Variants in ITGB7 observed in about 807,000 individuals in gnomAD.
ITGB7 encodes the protein integrin subunit beta 7.
In ITGB7, 55 loss-of-function variants were observed where a neutral mutation model predicts 83.4. The observed-to-expected ratio is 0.66, with a 90% CI of 0.53 to 0.83. The LOEUF (loss-of-function observed/expected upper bound fraction) is 0.83, where lower values mean the gene tolerates loss of function less well. Ranked by LOEUF, ITGB7 falls within the 40% of genes least tolerant of loss-of-function variation. The pLI is 0.00. For synonymous variants in ITGB7, 454 were observed against 423.6 expected (o/e 1.07, Z -0.88); for missense variants, 921 against 1,046.7 (o/e 0.88, Z 1.66).
In ITGB7 at chr12:53,197,970, C is replaced by T. The variant is rs748478326; in HGVS notation, c.202-19G>A. 4.3e-5 allele frequency: 66 copies of T among 1,526,124 alleles called. No homozygotes were observed. The highest frequency in any genetic ancestry group is 3.4e-4 in the South Asian group (28 of 83,566). 94.5% of individuals were successfully genotyped at this position (1,526,124 alleles called of 1,614,324 possible). A position where few individuals can be genotyped will look rare whatever the true frequency, so the allele number is the denominator to read the frequency against. On this transcript the variant is annotated intron_variant, in intron 3 of 15. Transcript: ENST00000267082. Reference sequence around the variant, plus strand: ...TGAAGTTCTGCTCAGCAAGAAAAGGCGCGTCGGGACCCGGTCCTGCATAGG... The same window carrying T: ...TGAAGTTCTGCTCAGCAAGAAAAGGTGCGTCGGGACCCGGTCCTGCATAGG...
intron 9 of ITGB7, 176 bp from the exon 10 acceptor site, chr12:53,194,520 A>T (rs551678398): frequency 6.6e-6 from 4 of 606,996 alleles, no homozygotes; most frequent in South Asian, 5.8e-5. Flanking sequence ...AGAACCTTGC[A>T]TAGAACATAC....
rs1268272471 is a variant in ITGB7, at chr12:53,196,061, A to G, written c.955T>C (p.Tyr319His). Residue 319 changes from tyrosine to histidine, a missense_variant, in exon 7 of 16, where the codon TAC becomes CAC. Tyr to His is a moderately conservative substitution (Grantham distance 83). Coordinates refer to ENST00000267082, the MANE Select transcript of ITGB7 (RefSeq NM_000889.3). The part of the protein sequence containing the change: ...GHCHLDSNGL[Y>H]SRSTEFDYPS... ...CTCACAAACTCTGTGCTGCGACTGT[A>G]GAGGCCATTGCTGTCCAAGTGGCAG... 2 of 1,614,054 alleles carry G rather than the reference A, an allele frequency of 1.2e-6. No individual in the cohort carries two copies. The highest frequency in any genetic ancestry group is 1.7e-6 in the Non-Finnish European group (2 of 1,180,026).
rs1212690830 is a variant in ITGB7 at position 53,191,520 on chromosome 12, AAGG to A, written c.*33_*35del. On this transcript the variant is annotated 3_prime_UTR_variant, in exon 16 of 16. Coordinates refer to ENST00000267082, the MANE Select transcript of ITGB7 (RefSeq NM_000889.3). ...CACCCTCCAGTTCCCACTGTCCTCC[AAGG>A]AGAAGAGCCTTGGGTAAGTGTCCCT... 1 of 1,522,402 alleles carries A rather than the reference AAGG, an allele frequency of 6.6e-7. No individual in the cohort carries two copies. Among genetic ancestry groups the A allele is most frequent in the African/African-American group, 1.4e-5 (1 of 72,964 alleles). 94.3% of individuals were successfully genotyped at this position (1,522,402 alleles called of 1,614,324 possible).
At chr12:53,206,012 A>G (rs1453441914) in intron 1 of ITGB7, among the ~76,000 whole-genome samples, 1 of 152,118 alleles carries the variant, frequency 6.6e-6, no homozygotes, top group Non-Finnish European at 1.5e-5. Context: ...ATCTCTCACA[A>G]GTGGAGCCCC....
chr12:53,192,180 G>A (rs143184774), intron 14 of ITGB7, 150 bp downstream of exon 14: 16 of 1,189,052 alleles, frequency 1.3e-5, no homozygotes, highest in Middle Eastern at 2.7e-4. Flanking sequence ...CCTTAGCCTC[G>A]TCCACTTGCT....
rs376216888 is a variant in ITGB7 at position 53,197,668 on chromosome 12, G to A, written c.404-5C>T. On this transcript the variant is annotated splice_polypyrimidine_tract_variant and splice_region_variant and intron_variant, in intron 4 of 15. Transcript: ENST00000267082. ...CCTGGAGCTGCTGGGGCTCCCCTAGGGGGTGGGCGGCGGGCGGGTCAGCAG... is the reference window on the plus strand; with the variant it reads ...CCTGGAGCTGCTGGGGCTCCCCTAGAGGGTGGGCGGCGGGCGGGTCAGCAG... The A allele has an allele frequency of 9.3e-6, 15 of 1,613,144 alleles. No individual in the cohort carries two copies. Among genetic ancestry groups the A allele is most frequent in the Middle Eastern group, 3.3e-4 (2 of 6,082 alleles).
Position 53,197,796 on chromosome 12 carries a change from A to C in ITGB7, c.357T>G (p.Gly119=). 1 of 1,550,320 alleles carries C rather than the reference A, an allele frequency of 6.5e-7. No homozygotes were observed. Among genetic ancestry groups the C allele is most frequent in the Non-Finnish European group, 8.7e-7 (1 of 1,152,352 alleles). ...CCCGCTGCGGCGCCAGCTGGGTGGC[A>C]CCCTCTCCGCGGGCGCCCTGGCTGA... ...QPLSQGARGE[G]ATQLAPQRVR... Residue 119 remains glycine (G), a synonymous_variant, in exon 4 of 16, where the codon GGT becomes GGG. Transcript: ENST00000267082.
chr12:53,196,308 T>A (rs972579842), intron 6 of ITGB7, 109 bp from the exon 7 acceptor site: 1 of 1,331,040 alleles, frequency 7.5e-7, no homozygotes. Flanking sequence ...AGTCAGCTTG[T>A]CCATCCCCTT....
At chr12:53,206,394 G>A (rs1483716535) in intron 1 of ITGB7, among the ~76,000 whole-genome samples, 1 of 152,126 alleles carries the variant, frequency 6.6e-6, no homozygotes, top group African/African-American at 2.4e-5. Context: ...ACTAGGGGCA[G>A]GGCAGGACAG....
intron 5 of ITGB7, 153 bp downstream of exon 5, chr12:53,197,340 G>T (rs537181274): frequency 1.2e-6 from 1 of 806,936 alleles, no homozygotes; most frequent in Non-Finnish European, 2.2e-6. Context: ...GGGTGTCTAG[G>T]GAGAGATGCA....
intron 6 of ITGB7, 99 bp downstream of exon 6, chr12:53,196,480 A>G (rs773364574): frequency 3.0e-5 from 43 of 1,436,458 alleles, no homozygotes; most frequent in Admixed American, 7.0e-5. Context: ...CAACTATGGT[A>G]TGAATGGCAC....
At position 53,196,164 on chromosome 12, in the gene ITGB7, C is replaced by T; in HGVS notation, c.852G>A (p.Leu284=). 6.2e-7 allele frequency: 1 copy of T among 1,614,158 alleles called. No homozygotes were observed. The part of the protein sequence containing the change: ...QIGWRNVSRL[L]VFTSDDTFHT... ...GGAATGTGTCGTCTGAAGTGAACAC[C>T]AGCAGCCGGGACACATTTCTCCAGC... Residue 284 remains leucine, a synonymous_variant, in exon 7 of 16, where the codon CTG becomes CTA. Coordinates refer to ENST00000267082, the MANE Select transcript of ITGB7 (RefSeq NM_000889.3).
chr12:53,193,893 GAA>G lies in ITGB7; in HGVS notation c.1315_1316del (p.Phe439LeufsTer36). 1 of 1,612,606 alleles carries G rather than the reference GAA, an allele frequency of 6.2e-7. No individual in the cohort carries two copies. On this transcript the variant is annotated frameshift_variant, in exon 11 of 16. Transcript: ENST00000267082. LOFTEE classifies it high-confidence loss of function. ...AGTGGGTGGCTTGGAGAGAAACCCAGAAAGTCACCTGAGAAGAGGCAGGAATC... is the reference window on the plus strand; with the variant it reads ...AGTGGGTGGCTTGGAGAGAAACCCAGAGTCACCTGAGAAGAGGCAGGAATC... ...NHVRINQTVT[F>X]WVSLQATHCL...
chr12:53,200,296 A>AGG lies in ITGB7; in HGVS notation c.146_147dup (p.Ser50ProfsTer19). On this transcript the variant is annotated frameshift_variant, in exon 3 of 16. Coordinates refer to ENST00000267082, the MANE Select transcript of ITGB7 (RefSeq NM_000889.3). LOFTEE classifies it high-confidence loss of function. ...TGTGAGAGGATGCACTTCTGGCAGG[A>AGG]GGGGGCTGGCTGGCAGGACCCCAGC... 6.2e-7 allele frequency: 1 copy of AGG among 1,614,152 alleles called. No homozygotes were observed. Among genetic ancestry groups the AGG allele is most frequent in the Non-Finnish European group, 8.5e-7 (1 of 1,180,032 alleles).
chr12:53,195,823 G>A, intron 7 of ITGB7, 102 bp from the exon 8 acceptor site: 1 of 1,115,904 alleles, frequency 9.0e-7, no homozygotes, highest in Non-Finnish European at 1.3e-6. Context: ...TCCACCAGCT[G>A]GAGGAGCCCT....
chr12:53,204,308 A>T (rs1169626135), intron 1 of ITGB7, among the ~76,000 whole-genome samples: 2 of 151,354 alleles, frequency 1.3e-5, no homozygotes, highest in Non-Finnish European at 2.9e-5. Flanking sequence ...TGAACCCAGG[A>T]GGCGGAGGTT....
Position 53,197,481 on chromosome 12 carries a change from C to T in ITGB7, c.574+12G>A, listed in dbSNP as rs773795975. ...CAAGGGCTAACAGGGCGGGAGGCAG[C>T]GCTCGGCTCACCAATGCGCACAGAA... On this transcript the variant is annotated intron_variant, in intron 5 of 15. Transcript: ENST00000267082. 1.2e-6 allele frequency: 2 copies of T among 1,613,928 alleles called. No individual in the cohort carries two copies. Among genetic ancestry groups the T allele is most frequent in the Non-Finnish European group, 1.7e-6 (2 of 1,179,940 alleles).
chr12:53,203,933 C>G (rs1942377853), intron 1 of ITGB7, among the ~76,000 whole-genome samples: 1 of 152,074 alleles, frequency 6.6e-6, no homozygotes, highest in African/African-American at 2.4e-5. Flanking sequence ...GAATTGAAAA[C>G]AGGTGTTCAA....
chr12:53,194,403 C>T lies in ITGB7; in HGVS notation c.1162-59G>A, dbSNP rs1942084493. 4 of 1,548,936 alleles carry T rather than the reference C, an allele frequency of 2.6e-6. No homozygotes were observed. In the African/African-American group the frequency reaches 4.1e-5, roughly 16 times the overall value. The stretch of plus-strand genomic sequence containing the variant: ...AGGCAGAAAAGGACTCCAACCCCAC[C>T]TTATGTCCTCTCCAGGTGTTCCCAA... On this transcript the variant is annotated intron_variant, in intron 9 of 15. Transcript: ENST00000267082.
Sources: gnomAD v4.1 joint callset for allele counts (sites outside exome capture counted in the v4.1 genomes callset) on GRCh38, gnomAD v4.1.1 for gene constraint, MANE v1.5 for transcripts, NCBI Gene and HGNC (gene_info 2026-07-23, HGNC 2026-07-21) for gene names.